The following EML6 variants were observed in gnomAD, a reference collection of about 807,000 sequenced individuals.
The protein encoded by EML6 is echinoderm microtubule-associated protein-like 6.
In EML6, 154 loss-of-function variants were observed where a neutral mutation model predicts 240.1. The ratio of observed to expected loss-of-function variants is 0.64; its 90% CI spans 0.56 to 0.73. The LOEUF is 0.73. EML6 is among the 30% of genes least tolerant of loss of function. The probability of loss-of-function intolerance (pLI) is 0.00; values close to 1 mark genes in which losing one functional copy is unlikely to be tolerated. For synonymous variants in EML6, 1,148 were observed against 899.0 expected, an observed-to-expected ratio of 1.28 and a Z score of -4.95; for missense variants, 2,964 against 2,474.6, an observed-to-expected ratio of 1.20 and a Z score of -4.20.
At chr2:54,856,828 T>G (rs573026209) in intron 11 of EML6, among the ~76,000 whole-genome samples, 1 of 152,302 alleles carries the variant, frequency 6.6e-6, no homozygotes, top group East Asian at 1.9e-4. Context: ...TAAGACTGTT[T>G]TGATATTTTG....
chr2:54,751,273 A>C (rs1025634957), intron 2 of EML6, among the ~76,000 whole-genome samples: 4 of 152,224 alleles, frequency 2.6e-5, no homozygotes, highest in African/African-American at 9.7e-5. Context: ...TGTGGAGGAC[A>C]GGGATCACTT....
intron 2 of EML6, among the ~76,000 whole-genome samples, chr2:54,739,900 C>G (rs1041014972): frequency 6.6e-6 from 1 of 152,158 alleles, no homozygotes; most frequent in Non-Finnish European, 1.5e-5. Context: ...ACTATGAATA[C>G]GTTCTGGAGA....
At chr2:54,921,097 A>G (rs1674226428) in intron 26 of EML6, among the ~76,000 whole-genome samples, 1 of 152,138 alleles carries the variant, frequency 6.6e-6, no homozygotes, top group South Asian at 2.1e-4. Context: ...CAAGACAAGG[A>G]AGTCCTAGCC....
intron 2 of EML6, among the ~76,000 whole-genome samples, chr2:54,750,662 A>G (rs1020863916): frequency 5.9e-5 from 9 of 151,944 alleles, no homozygotes; most frequent in African/African-American, 2.2e-4. Context: ...TTTTGAACCT[A>G]TGGGTATAGG....
chr2:54,798,341 T>C (rs1558558169), intron 2 of EML6, among the ~76,000 whole-genome samples: 1 of 151,948 alleles, frequency 6.6e-6, no homozygotes, highest in South Asian at 2.1e-4. Flanking sequence ...CCTGGCTAAT[T>C]TATTTGTATC....
Position 54,804,309 on chromosome 2 carries a change from C to T in EML6, c.198-8923C>T, listed in dbSNP as rs868038197. On this transcript the variant is annotated intron_variant, in intron 2 of 41. Transcript: ENST00000356458. ...TACAACCCTCAATGCTTGAGTCATA[C>T]TCCTTGCTTAAAGAGAGGAGGAAAA... Among the ~76,000 whole-genome samples the T allele has an allele frequency of 4.6e-5, 7 of 152,352 alleles. No individual in the cohort carries two copies. In the South Asian group the frequency reaches 1.0e-3, roughly 23 times the overall value.
chr2:54,934,931 T>G (rs2104419902), intron 28 of EML6, among the ~76,000 whole-genome samples: 1 of 152,380 alleles, frequency 6.6e-6, no homozygotes, highest in Middle Eastern at 3.4e-3. Flanking sequence ...AATTACTATT[T>G]TATTTCTTAA....
intron 28 of EML6, among the ~76,000 whole-genome samples, chr2:54,937,553 TAAAAAAAAAAA>T (rs34682923): frequency 2.9e-5 from 2 of 68,208 alleles, no homozygotes; most frequent in African/African-American, 1.2e-4. Flanking sequence ...ACTCTGTCTT[TAAAAAAAAAAA>T]AAAAAAAAAA....
rs1674698756 is a variant in EML6 at position 54,928,763 on chromosome 2, C to T, written c.4004+12C>T. 1 of 1,551,508 alleles carries T rather than the reference C, an allele frequency of 6.4e-7. No individual in the cohort carries two copies. Among genetic ancestry groups the T allele is most frequent in the South Asian group, 1.2e-5 (1 of 84,032 alleles). On this transcript the variant is annotated intron_variant, in intron 28 of 41. Transcript: ENST00000356458. ...TCCGTGGAAGAAAGGTATGGTGTTGCCAGGTTTGCTTGCTTTTATTATACC... is the reference window on the plus strand; with the variant it reads ...TCCGTGGAAGAAAGGTATGGTGTTGTCAGGTTTGCTTGCTTTTATTATACC...
intron 5 of EML6, 121 bp from the exon 6 acceptor site, chr2:54,827,445 C>G: frequency 1.3e-6 from 1 of 778,784 alleles, no homozygotes; most frequent in Non-Finnish European, 2.0e-6. Flanking sequence ...AGCAAATTAA[C>G]TTATTTGTGC....
Position 54,844,050 on chromosome 2 carries a change from T to G in EML6, c.851T>G (p.Leu284Arg), listed in dbSNP as rs1272869581. The G allele has an allele frequency of 1.3e-6, 2 of 1,550,410 alleles. No individual in the cohort carries two copies. The highest frequency in any genetic ancestry group is 8.7e-7 in the Non-Finnish European group (1 of 1,146,566). ...LRETEQGYKG[L>R]SIRSVCWKAD... Reference sequence around the variant, plus strand: ...TTGTTTTACTTATTTTTGTCAGGCCTCTCTATCCGGAGCGTGTGCTGGAAA... The same window carrying G: ...TTGTTTTACTTATTTTTGTCAGGCCGCTCTATCCGGAGCGTGTGCTGGAAA... The change falls in exon 8 of 42, where the codon CTC becomes CGC. Residue 284 changes from leucine to arginine, a missense_variant. Physicochemically the swap from Leu to Arg is moderately radical, Grantham distance 102. Transcript: ENST00000356458.
chr2:54,866,701 A>G lies in EML6; in HGVS notation c.1933-65A>G, dbSNP rs529367680. On this transcript the variant is annotated intron_variant, in intron 13 of 41. Coordinates refer to ENST00000356458, the MANE Select transcript of EML6 (RefSeq NM_001039753.4). ...AATTAAAGATTTTACAAGAATGTCA[A>G]GATGCTGATATTTTTGGAACCTGAT... 6.1e-6 allele frequency: 5 copies of G among 814,294 alleles called. No homozygotes were observed. The East Asian group carries it at 1.4e-4, about 22-fold the overall frequency. 50.4% of individuals were successfully genotyped at this position (814,294 alleles called of 1,614,324 possible). A position where few individuals can be genotyped will look rare whatever the true frequency, so the allele number is the denominator to read the frequency against.
chr2:54,896,639 G>A (rs1365993122), intron 21 of EML6, among the ~76,000 whole-genome samples: 2 of 152,144 alleles, frequency 1.3e-5, no homozygotes, highest in Non-Finnish European at 1.5e-5. Context: ...GATCATATGA[G>A]CAGTCAGAAC....
chr2:54,738,483 C>A (rs1683494553), intron 2 of EML6, among the ~76,000 whole-genome samples: 2 of 152,142 alleles, frequency 1.3e-5, no homozygotes, highest in Admixed American at 1.3e-4. Context: ...TGGATCAATT[C>A]TCACAAACCC....
intron 28 of EML6, among the ~76,000 whole-genome samples, chr2:54,943,964 C>G (rs1297950741): frequency 6.6e-6 from 1 of 152,176 alleles, no homozygotes; most frequent in East Asian, 1.9e-4. Context: ...ACGTTCTTCT[C>G]TCGCCTTTTT....
intron 7 of EML6, among the ~76,000 whole-genome samples, chr2:54,840,884 C>A (rs1175721032): frequency 1.3e-5 from 2 of 152,214 alleles, no homozygotes; most frequent in African/African-American, 4.8e-5. Context: ...ATCACTGACT[C>A]TTCTTCCTTC....
intron 2 of EML6, among the ~76,000 whole-genome samples, chr2:54,810,593 T>C (rs1667785490): frequency 6.6e-6 from 1 of 152,224 alleles, no homozygotes; most frequent in African/African-American, 2.4e-5. Flanking sequence ...CTTGAAAGTG[T>C]TTCTGGCCTT....
chr2:54,727,397 C>G (rs995396754), intron 2 of EML6, among the ~76,000 whole-genome samples: 5 of 137,298 alleles, frequency 3.6e-5, no homozygotes, highest in African/African-American at 1.5e-4. Context: ...TTAAGAAACA[C>G]AAACCACAGA....
At chr2:54,753,973 A>G (rs963982762) in intron 2 of EML6, among the ~76,000 whole-genome samples, 5 of 151,798 alleles carry the variant, frequency 3.3e-5, no homozygotes, top group South Asian at 2.1e-4. Context: ...TGTCTCTACT[A>G]AAAATAGAAA....
Sources: allele counts gnomAD v4.1 joint callset (sites outside exome capture counted in the v4.1 genomes callset), GRCh38; gene constraint gnomAD v4.1.1; transcripts MANE v1.5; gene names NCBI Gene and HGNC (gene_info 2026-07-23, HGNC 2026-07-21).